NSMCE2: variants seen among roughly 807,000 people sequenced by gnomAD.
NSMCE2 encodes the protein E3 SUMO-protein ligase NSE2.
NSMCE2 carries 24 observed loss-of-function variants against 23.8 expected under a neutral mutation model. The observed-to-expected ratio is 1.01, with a 90% CI of 0.73 to 1.42. The LOEUF is 1.42. Among genes scored for constraint, NSMCE2 ranks in the 40% most tolerant of loss-of-function variants. The probability of loss-of-function intolerance (pLI) is 0.00; values close to 1 mark genes in which losing one functional copy is unlikely to be tolerated. For synonymous variants in NSMCE2, 92 were observed against 94.1 expected (o/e 0.98, Z 0.13); for missense variants, 284 against 296.5 (o/e 0.96, Z 0.31).
At chr8:125,191,818 C>T (rs549135518) in intron 5 of NSMCE2, among the ~76,000 whole-genome samples, 10 of 152,150 alleles carry the variant, frequency 6.6e-5, no homozygotes, top group Admixed American at 6.5e-5. Flanking sequence ...ACAACATCCA[C>T]ACGCAGGAAA....
In NSMCE2 at chr8:125,206,930, G is replaced by T. The variant is rs145397883; in HGVS notation, c.418+24674G>T. On this transcript the variant is annotated intron_variant, in intron 5 of 7. Transcript: ENST00000287437. ...GGCAGAGCCAGCAAGGAGTGCTGCA[G>T]TGAGGGGAGAAGGACCAAGGGGCTT... is the stretch of plus-strand genomic sequence containing the variant. Among the ~76,000 whole-genome samples, 11 of 152,300 alleles carry T rather than the reference G, an allele frequency of 7.2e-5. No individual in the cohort carries two copies. The South Asian group carries it at 2.3e-3, about 32-fold the overall frequency.
At chr8:125,304,960 A>AAG (rs1563773764) in intron 5 of NSMCE2, among the ~76,000 whole-genome samples, 1 of 21,248 alleles carries the variant, frequency 4.7e-5, no homozygotes, top group Non-Finnish European at 1.7e-4. Flanking sequence ...AGGAAGGAAG[A>AAG]AAGAAAGAAA....
At chr8:125,204,830 G>T (rs1824044840) in intron 5 of NSMCE2, among the ~76,000 whole-genome samples, 2 of 152,094 alleles carry the variant, frequency 1.3e-5, no homozygotes, top group Non-Finnish European at 2.9e-5. Flanking sequence ...CTCTACTTCT[G>T]ATCTTGCTGT....
intron 5 of NSMCE2, among the ~76,000 whole-genome samples, chr8:125,303,331 A>T (rs751700650): frequency 1.3e-5 from 2 of 152,222 alleles, no homozygotes; most frequent in Non-Finnish European, 2.9e-5. Context: ...AGTGCAGAAC[A>T]TGAAGAACAG....
intron 5 of NSMCE2, among the ~76,000 whole-genome samples, chr8:125,279,773 G>C (rs1827622673): frequency 6.6e-6 from 1 of 152,158 alleles, no homozygotes; most frequent in South Asian, 2.1e-4. Flanking sequence ...TATCTCCTTA[G>C]TGGATGGATT....
intron 1 of NSMCE2, among the ~76,000 whole-genome samples, chr8:125,099,938 T>C (rs1329750166): frequency 1.3e-5 from 2 of 151,834 alleles, no homozygotes; most frequent in African/African-American, 2.4e-5. Flanking sequence ...AGAGGGAAAA[T>C]TTAATGATGC....
intron 5 of NSMCE2, among the ~76,000 whole-genome samples, chr8:125,208,841 T>A (rs1403365354): frequency 6.6e-6 from 1 of 152,122 alleles, no homozygotes; most frequent in Non-Finnish European, 1.5e-5. Flanking sequence ...CTAATTAGAG[T>A]CTTTTCAAGT....
Position 125,102,455 on chromosome 8 carries a change from C to G in NSMCE2, c.125C>G (p.Ser42Cys). The G allele has an allele frequency of 6.2e-7, 1 of 1,613,946 alleles. No homozygotes were observed. The highest frequency in any genetic ancestry group is 8.5e-7 in the Non-Finnish European group (1 of 1,179,874). ...ACINSGMDTA[S>C]SVALDLVESQ... is the part of the protein sequence containing the mutation. ...ATCAACTCTGGTATGGACACAGCTTCTAGTGTTGCTTTGGATCTTGTGGAA... is the reference window on the plus strand; with the variant it reads ...ATCAACTCTGGTATGGACACAGCTTGTAGTGTTGCTTTGGATCTTGTGGAA... The change falls in exon 3 of 8, where the codon TCT becomes TGT. Residue 42 changes from serine (S) to cysteine (C), a missense_variant. Physicochemically the swap from Ser to Cys is moderately radical, Grantham distance 112. Around this residue, in one of 2 missense-constraint regions of NSMCE2, gnomAD observed 182 missense variants for 155.5 expected, o/e 1.17. Coordinates refer to ENST00000287437, the MANE Select transcript of NSMCE2 (RefSeq NM_173685.4).
chr8:125,321,632 A>C (rs1171159461), intron 5 of NSMCE2, among the ~76,000 whole-genome samples: 1 of 152,230 alleles, frequency 6.6e-6, no homozygotes, highest in African/African-American at 2.4e-5. Flanking sequence ...TAGATGCAAA[A>C]ATTCTAAATA....
At chr8:125,199,578 G>C (rs1227038920) in intron 5 of NSMCE2, among the ~76,000 whole-genome samples, 1 of 152,146 alleles carries the variant, frequency 6.6e-6, no homozygotes, top group Non-Finnish European at 1.5e-5. Context: ...CATTTTCTGA[G>C]GAGTGCTTTG....
intron 5 of NSMCE2, among the ~76,000 whole-genome samples, chr8:125,279,025 A>G (rs1384841568): frequency 6.6e-6 from 1 of 152,238 alleles, no homozygotes; most frequent in East Asian, 1.9e-4. Context: ...TAGATCAGCT[A>G]TAACCACCAC....
At chr8:125,166,357 C>T (rs991464131) in intron 4 of NSMCE2, among the ~76,000 whole-genome samples, 1 of 152,140 alleles carries the variant, frequency 6.6e-6, no homozygotes, top group Non-Finnish European at 1.5e-5. Flanking sequence ...ACCTCTGCCT[C>T]CCAGGTTCAA....
intron 3 of NSMCE2, among the ~76,000 whole-genome samples, chr8:125,116,054 G>T (rs1818992553): frequency 6.6e-6 from 1 of 152,162 alleles, no homozygotes; most frequent in Admixed American, 6.5e-5. Flanking sequence ...CCAGCCCCAT[G>T]ACCTCGATTT....
At chr8:125,119,909 C>T (rs908238167) in intron 3 of NSMCE2, among the ~76,000 whole-genome samples, 1 of 151,772 alleles carries the variant, frequency 6.6e-6, no homozygotes, top group Non-Finnish European at 1.5e-5. Context: ...ATATGTAAAG[C>T]ATTATTATTT....
chr8:125,246,818 A>C (rs1825983702), intron 5 of NSMCE2, among the ~76,000 whole-genome samples: 2 of 152,176 alleles, frequency 1.3e-5, no homozygotes, highest in Admixed American at 1.3e-4. Context: ...TTCGATATAG[A>C]TATAAATTAT....
chr8:125,093,333 T>C (rs76894200), intron 1 of NSMCE2, among the ~76,000 whole-genome samples: 7,905 of 152,122 alleles, frequency 0.052, 256 homozygotes, highest in African/African-American at 0.084. Context: ...TTTCAACATA[T>C]ACATTTTGGG....
intron 5 of NSMCE2, among the ~76,000 whole-genome samples, chr8:125,314,809 T>C (rs1265300572): frequency 6.6e-6 from 1 of 152,184 alleles, no homozygotes; most frequent in African/African-American, 2.4e-5. Flanking sequence ...TGCCAGCTCT[T>C]GGTGATAGAG....
chr8:125,366,795 G>A lies in NSMCE2; in HGVS notation c.654G>A (p.Thr218=), dbSNP rs751267149. 50 of 1,611,998 alleles carry A rather than the reference G, an allele frequency of 3.1e-5. No individual in the cohort carries two copies. In the South Asian group the frequency reaches 3.8e-4, roughly 12 times the overall value. The stretch of plus-strand genomic sequence containing the variant: ...GCCCTCAAATTGGCTGTAGCCACAC[G>A]GATATAAGAAAGTCAGATCTTATCC... The part of the protein sequence containing the change: ...AYCPQIGCSH[T]DIRKSDLIQD... The change falls in exon 8 of 8, where the codon ACG becomes ACA. Residue 218 remains threonine, a synonymous_variant. Transcript: ENST00000287437.
chr8:125,238,286 T>G (rs1187730993), intron 5 of NSMCE2, among the ~76,000 whole-genome samples: 6 of 152,178 alleles, frequency 3.9e-5, no homozygotes. Context: ...TGTCTCTCTT[T>G]CCTCACAACA....
Sources: allele counts gnomAD v4.1 joint callset (sites outside exome capture counted in the v4.1 genomes callset), GRCh38; gene constraint gnomAD v4.1.1; regional missense constraint gnomAD v4.1.1; transcripts MANE v1.5; gene names NCBI Gene and HGNC (gene_info 2026-07-23, HGNC 2026-07-21).